Variants in NEURL1 observed in about 807,000 individuals in gnomAD.
The protein encoded by NEURL1 is neuralized E3 ubiquitin protein ligase 1.
Under a neutral mutation model 41.2 loss-of-function variants are expected in NEURL1, and 26 were observed. The ratio of observed to expected loss-of-function variants is 0.63; its 90% CI spans 0.46 to 0.87. The LOEUF (loss-of-function observed/expected upper bound fraction) is 0.87, where lower values mean the gene tolerates loss of function less well. Ranked by LOEUF, NEURL1 falls within the 40% of genes least tolerant of loss-of-function variation. NEURL1 has a pLI of 0.00. For synonymous variants in NEURL1, 400 were observed against 402.3 expected (o/e 0.99, Z 0.07); for missense variants, 761 against 871.1 (o/e 0.87, Z 1.59).
intron 3 of NEURL1, among the ~76,000 whole-genome samples, chr10:103,581,893 G>A (rs1384775989): frequency 1.3e-5 from 2 of 152,162 alleles, no homozygotes; most frequent in Non-Finnish European, 2.9e-5. Context: ...TGGTTTAAAA[G>A]AAGGAAATAC....
At chr10:103,580,568 TCTG>T (rs1380392165) in intron 3 of NEURL1, among the ~76,000 whole-genome samples, 2 of 152,206 alleles carry the variant, frequency 1.3e-5, no homozygotes. Flanking sequence ...TGCCGTCCCT[TCTG>T]CGGAGGGTGT....
chr10:103,503,626 C>G (rs776469037), intron 1 of NEURL1, among the ~76,000 whole-genome samples: 1 of 152,060 alleles, frequency 6.6e-6, no homozygotes, highest in African/African-American at 2.4e-5. Flanking sequence ...TTCCTGGGCA[C>G]GCCGATACGG....
chr10:103,494,510 C>A (rs2033634577), intron 1 of NEURL1, 38 bp downstream of exon 1: 2 of 1,501,178 alleles, frequency 1.3e-6, no homozygotes, highest in Non-Finnish European at 8.9e-7. Flanking sequence ...AGGACTGGGG[C>A]GCAGGTGGAG....
rs1431993827 is a variant in NEURL1, at chr10:103,493,822, C to T, written c.-566C>T. The stretch of plus-strand genomic sequence containing the variant: ...AGGAGGGACCCGGCGCGGGCGGGAC[C>T]GCGGCGGTCGGGGGACACCAGCTGC... On this transcript the variant is annotated 5_prime_UTR_variant, in exon 1 of 6. Coordinates refer to ENST00000369780, the MANE Select transcript of NEURL1 (RefSeq NM_004210.5). 6.6e-6 allele frequency among the ~76,000 whole-genome samples: 1 copy of T among 151,836 alleles called. No homozygotes were observed. Among genetic ancestry groups the T allele is most frequent in the African/African-American group, 2.4e-5 (1 of 41,400 alleles).
At chr10:103,536,136 G>T (rs1278959175) in intron 1 of NEURL1, among the ~76,000 whole-genome samples, 1 of 152,128 alleles carries the variant, frequency 6.6e-6, no homozygotes, top group Non-Finnish European at 1.5e-5. Context: ...TGATCCTGGT[G>T]GGGGGATGGA....
At chr10:103,535,065 G>T (rs1195488042) in intron 1 of NEURL1, among the ~76,000 whole-genome samples, 1 of 152,150 alleles carries the variant, frequency 6.6e-6, no homozygotes, top group African/African-American at 2.4e-5. Context: ...CAGCAACTCA[G>T]ATCCCAGGGG....
intron 1 of NEURL1, among the ~76,000 whole-genome samples, chr10:103,497,512 T>C (rs1191733996): frequency 6.6e-6 from 1 of 152,170 alleles, no homozygotes; most frequent in African/African-American, 2.4e-5. Context: ...ATAATGGGGA[T>C]CCTGGGACTG....
At chr10:103,531,050 T>A (rs2034559890) in intron 1 of NEURL1, among the ~76,000 whole-genome samples, 1 of 151,970 alleles carries the variant, frequency 6.6e-6, no homozygotes, top group Non-Finnish European at 1.5e-5. Flanking sequence ...TGACACCCTG[T>A]CTCTACTAAA....
intron 1 of NEURL1, among the ~76,000 whole-genome samples, chr10:103,495,437 A>T (rs796709929): frequency 2.0e-5 from 3 of 152,362 alleles, no homozygotes; most frequent in African/African-American, 7.2e-5. Context: ...AACACAAGGC[A>T]TCGAACTTTC....
At chr10:103,513,445 T>C (rs2034121206) in intron 1 of NEURL1, among the ~76,000 whole-genome samples, 1 of 152,230 alleles carries the variant, frequency 6.6e-6, no homozygotes, top group Non-Finnish European at 1.5e-5. Flanking sequence ...GGGTGTGGCC[T>C]GAGTGGCCTC....
At chr10:103,565,379 G>A (rs911858137) in intron 1 of NEURL1, among the ~76,000 whole-genome samples, 32 of 152,332 alleles carry the variant, frequency 2.1e-4, no homozygotes, top group African/African-American at 7.7e-4. Context: ...GCAGAAGACA[G>A]GCACGGTAAT....
intron 1 of NEURL1, among the ~76,000 whole-genome samples, chr10:103,537,746 CAAA>C (rs1376296949): frequency 1.3e-5 from 2 of 152,134 alleles, no homozygotes; most frequent in African/African-American, 4.8e-5. Context: ...GTATAACTGA[CAAA>C]AATATACTGC....
intron 3 of NEURL1, among the ~76,000 whole-genome samples, chr10:103,578,628 A>G (rs1341746782): frequency 2.0e-5 from 3 of 152,242 alleles, no homozygotes; most frequent in Non-Finnish European, 4.4e-5. Context: ...CTATAAATCT[A>G]TGAGATCCCG....
intron 1 of NEURL1, among the ~76,000 whole-genome samples, chr10:103,496,716 G>T (rs1462106630): frequency 6.6e-6 from 1 of 152,168 alleles, no homozygotes; most frequent in Non-Finnish European, 1.5e-5. Flanking sequence ...TGAGGGAAAA[G>T]AATAATTATT....
intron 1 of NEURL1, among the ~76,000 whole-genome samples, chr10:103,519,396 C>A (rs181997873): frequency 1.4e-4 from 22 of 152,296 alleles, no homozygotes; most frequent in Non-Finnish European, 2.2e-4. Context: ...ATAATTGATA[C>A]GTGATTGCCA....
intron 1 of NEURL1, among the ~76,000 whole-genome samples, chr10:103,548,120 C>T (rs974655313): frequency 6.6e-6 from 1 of 152,144 alleles, no homozygotes; most frequent in Admixed American, 6.6e-5. Flanking sequence ...AAATGCAGCA[C>T]TAACCAGGTG....
At chr10:103,510,418 G>A (rs1290906501) in intron 1 of NEURL1, among the ~76,000 whole-genome samples, 41 of 152,202 alleles carry the variant, frequency 2.7e-4, no homozygotes, top group Admixed American at 2.6e-3. Flanking sequence ...GGATCTTAAC[G>A]TGTGCTGAGC....
intron 1 of NEURL1, among the ~76,000 whole-genome samples, chr10:103,522,526 CG>C (rs1478902885): frequency 6.7e-6 from 1 of 148,622 alleles, no homozygotes; most frequent in Non-Finnish European, 1.5e-5. Flanking sequence ...CACTTGAACC[CG>C]GGAGGTGGAG....
chr10:103,536,637 G>A (rs1015692262), intron 1 of NEURL1, among the ~76,000 whole-genome samples: 1 of 152,126 alleles, frequency 6.6e-6, no homozygotes, highest in South Asian at 2.1e-4. Flanking sequence ...GAGCACTAGC[G>A]GGTTCCAGTC....
Sources: gnomAD v4.1 joint callset for allele counts (sites outside exome capture counted in the v4.1 genomes callset) on GRCh38, gnomAD v4.1.1 for gene constraint, MANE v1.5 for transcripts, NCBI Gene and HGNC (gene_info 2026-07-23, HGNC 2026-07-21) for gene names.